The following COL5A2 variants were observed in gnomAD, a reference collection of about 807,000 sequenced individuals.
COL5A2 encodes collagen type V alpha 2 chain, also known as collagen alpha-2(V) chain.
In COL5A2, 23 loss-of-function variants were observed where a neutral mutation model predicts 208.2. The observed-to-expected ratio is 0.11, with a 90% CI of 0.08 to 0.16. The LOEUF is 0.16. COL5A2 is among the 10% of genes least tolerant of loss of function. COL5A2 has a pLI of 1.00. For synonymous variants in COL5A2, 625 were observed against 628.5 expected (o/e 0.99, Z 0.08); for missense variants, 1,590 against 1,956.4 (o/e 0.81, Z 3.53).
chr2:189,400,981 G>A, the COL5A2 span, among the ~76,000 whole-genome samples: 1 of 152,198 alleles, frequency 6.6e-6, no homozygotes, highest in Non-Finnish European at 1.5e-5. Context: ...GATGCTTTAT[G>A]TATCAGAGTA....
chr2:189,322,459 G>C, the COL5A2 span, among the ~76,000 whole-genome samples: 1 of 148,632 alleles, frequency 6.7e-6, no homozygotes, highest in Admixed American at 6.8e-5. Context: ...AAAGAGAGAA[G>C]AATCAAACAG....
the COL5A2 span, among the ~76,000 whole-genome samples, chr2:189,306,251 C>CT: frequency 6.6e-6 from 1 of 152,174 alleles, no homozygotes; most frequent in Non-Finnish European, 1.5e-5. Flanking sequence ...TCCTTAATCA[C>CT]CCACTGAGGG....
the COL5A2 span, among the ~76,000 whole-genome samples, chr2:189,363,341 T>C: frequency 1.6e-4 from 25 of 152,218 alleles, no homozygotes; most frequent in African/African-American, 5.5e-4. Flanking sequence ...ATATTTCTTA[T>C]AGGTTTCTGA....
At chr2:189,078,225 T>C (rs1022736246) in intron 16 of COL5A2, among the ~76,000 whole-genome samples, 1 of 152,190 alleles carries the variant, frequency 6.6e-6, no homozygotes, top group African/African-American at 2.4e-5. Context: ...CTATGGACTA[T>C]ATTCCATGCT....
the COL5A2 span, among the ~76,000 whole-genome samples, chr2:189,437,335 C>T: frequency 6.6e-6 from 1 of 152,204 alleles, no homozygotes; most frequent in Admixed American, 6.5e-5. Context: ...GAATCACCTG[C>T]AGATCTTGTT....
chr2:189,113,990 T>C (rs1687336473), intron 1 of COL5A2, among the ~76,000 whole-genome samples: 1 of 152,168 alleles, frequency 6.6e-6, no homozygotes, highest in African/African-American at 2.4e-5. Context: ...TAAGACAACA[T>C]AACTTCAACT....
At chr2:189,311,224 C>A in the COL5A2 span, 1 of 1,370,162 alleles carries the variant, frequency 7.3e-7, no homozygotes, top group East Asian at 2.3e-5. Flanking sequence ...TTTTATTGGC[C>A]TCCTGCTCCC....
the COL5A2 span, among the ~76,000 whole-genome samples, chr2:189,392,668 G>T: frequency 6.6e-6 from 1 of 152,154 alleles, no homozygotes; most frequent in African/African-American, 2.4e-5. Flanking sequence ...AGGAGGTAGG[G>T]AAGATGGGAA....
chr2:189,218,244 T>TAGAAA (rs1689303387), intron 1 of COL5A2, among the ~76,000 whole-genome samples: 1 of 152,184 alleles, frequency 6.6e-6, no homozygotes, highest in African/African-American at 2.4e-5. Context: ...GAATGTGACC[T>TAGAAA]TATTTAGAAA....
Position 189,033,895 on chromosome 2 carries a change from A to G in COL5A2, c.*175T>C, listed in dbSNP as rs1179186025. On this transcript the variant is annotated 3_prime_UTR_variant, in exon 54 of 54. Transcript: ENST00000374866. ...CAATTAAAACTTGAGGATTGTAAGTAAAATAAATATTCTGAAGGATAAGGA... is the reference window on the plus strand; with the variant it reads ...CAATTAAAACTTGAGGATTGTAAGTGAAATAAATATTCTGAAGGATAAGGA... The G allele has an allele frequency of 1.3e-6, 1 of 762,480 alleles. No individual in the cohort carries two copies. Among genetic ancestry groups the G allele is most frequent in the Non-Finnish European group, 2.2e-6 (1 of 462,176 alleles). 47.2% of individuals were successfully genotyped at this position (762,480 alleles called of 1,614,324 possible).
intron 17 of COL5A2, among the ~76,000 whole-genome samples, chr2:189,075,026 C>T (rs192366664): frequency 5.3e-5 from 8 of 152,284 alleles, no homozygotes; most frequent in South Asian, 2.1e-4. Flanking sequence ...GCTCTCGCCT[C>T]TCAATCCAAT....
the COL5A2 span, among the ~76,000 whole-genome samples, chr2:189,354,921 C>T: frequency 0.036 from 5,542 of 152,190 alleles, 118 homozygotes; most frequent in Admixed American, 0.05. Context: ...GTATTTAGTG[C>T]TATAAATTTC....
chr2:189,323,204 A>G, the COL5A2 span, among the ~76,000 whole-genome samples: 1 of 152,218 alleles, frequency 6.6e-6, no homozygotes, highest in East Asian at 1.9e-4. Flanking sequence ...ACAAACCCAC[A>G]GCCAATATCA....
At chr2:189,281,322 A>C in the COL5A2 span, among the ~76,000 whole-genome samples, 1 of 152,182 alleles carries the variant, frequency 6.6e-6, no homozygotes, top group Admixed American at 6.5e-5. Flanking sequence ...AAGAGTTTAA[A>C]GAACTTGGAC....
chr2:189,394,726 A>G, the COL5A2 span, among the ~76,000 whole-genome samples: 1 of 152,196 alleles, frequency 6.6e-6, no homozygotes, highest in African/African-American at 2.4e-5. Flanking sequence ...TGTCTCCATG[A>G]CAGGCTCATA....
At chr2:189,125,947 G>A (rs182072875) in intron 1 of COL5A2, among the ~76,000 whole-genome samples, 6 of 152,054 alleles carry the variant, frequency 3.9e-5, no homozygotes, top group East Asian at 3.9e-4. Context: ...AACTATAGAC[G>A]GATAGGTGAA....
chr2:189,302,304 T>C, the COL5A2 span, among the ~76,000 whole-genome samples: 1 of 152,200 alleles, frequency 6.6e-6, no homozygotes, highest in African/African-American at 2.4e-5. Context: ...GTTAAGGGGC[T>C]GTTTGCTTAG....
chr2:189,377,012 A>G, the COL5A2 span, among the ~76,000 whole-genome samples: 1 of 152,206 alleles, frequency 6.6e-6, no homozygotes, highest in African/African-American at 2.4e-5. Context: ...TCTGTAACTA[A>G]GGCTCATATG....
At chr2:189,166,690 G>T (rs1368844213) in intron 1 of COL5A2, among the ~76,000 whole-genome samples, 1 of 152,222 alleles carries the variant, frequency 6.6e-6, no homozygotes, top group Non-Finnish European at 1.5e-5. Flanking sequence ...CGTCTGTAGT[G>T]TGAGCCACGG....
Sources: allele counts gnomAD v4.1 joint callset (sites outside exome capture counted in the v4.1 genomes callset), GRCh38; gene constraint gnomAD v4.1.1; transcripts MANE v1.5; gene names NCBI Gene and HGNC (gene_info 2026-07-23, HGNC 2026-07-21).